PTPRN2: variants seen among roughly 807,000 people sequenced by gnomAD.
PTPRN2 encodes receptor-type tyrosine-protein phosphatase N2.
PTPRN2 carries 74 observed loss-of-function variants against 118.8 expected under a neutral mutation model. That is an observed-to-expected ratio of 0.62 (90% CI 0.52 to 0.76). PTPRN2 has a LOEUF of 0.76. PTPRN2 is among the 30% of genes least tolerant of loss of function. PTPRN2 has a pLI of 0.00. For synonymous variants in PTPRN2, 641 were observed against 608.0 expected (o/e 1.05, Z -0.80); for missense variants, 1,481 against 1,394.4 (o/e 1.06, Z -0.99).
chr7:158,110,585 C>G (rs1465699519), intron 10 of PTPRN2, among the ~76,000 whole-genome samples: 2 of 152,164 alleles, frequency 1.3e-5, no homozygotes, highest in East Asian at 3.9e-4. Context: ...GGTTACAGCA[C>G]CAAAGGTTTG....
chr7:158,343,884 G>T (rs779171450), intron 2 of PTPRN2, among the ~76,000 whole-genome samples: 17 of 151,278 alleles, frequency 1.1e-4, no homozygotes, highest in Non-Finnish European at 2.4e-4. Context: ...TCAGGTAAAG[G>T]CTTCCATGGA....
chr7:158,488,209 G>A (rs1194774212), intron 2 of PTPRN2, among the ~76,000 whole-genome samples: 1 of 152,126 alleles, frequency 6.6e-6, no homozygotes, highest in Non-Finnish European at 1.5e-5. Flanking sequence ...TTTCAATATC[G>A]CTATTTTTCT....
At position 158,331,833 on chromosome 7, in the gene PTPRN2, C is replaced by G. The variant is rs1361346564; in HGVS notation, c.164-14901G>C. ...CTGTCACCCTAAGAGGTGACACCCG[C>G]AGACGACACTAACAACCAGATTCTC... On this transcript the variant is annotated intron_variant, in intron 2 of 22. Coordinates refer to ENST00000389418, the MANE Select transcript of PTPRN2 (RefSeq NM_002847.5). Among the ~76,000 whole-genome samples, 5 of 105,916 alleles carry G rather than the reference C, an allele frequency of 4.7e-5. 1 individual carries two copies. The highest frequency in any genetic ancestry group is 1.7e-4 in the African/African-American group (5 of 29,130). 69.5% of individuals were successfully genotyped at this position (105,916 alleles called of 152,430 possible). A position where few individuals can be genotyped will look rare whatever the true frequency, so the allele number is the denominator to read the frequency against.
At chr7:158,376,259 C>G (rs899232212) in intron 2 of PTPRN2, among the ~76,000 whole-genome samples, 1 of 151,746 alleles carries the variant, frequency 6.6e-6, no homozygotes, top group African/African-American at 2.4e-5. Flanking sequence ...CATGCAGGGT[C>G]AGGGGACTCC....
chr7:157,893,625 C>G lies in PTPRN2; in HGVS notation c.1788+5048G>C, dbSNP rs934649476. On this transcript the variant is annotated intron_variant, in intron 12 of 22. Transcript: ENST00000389418. This position sits in a 1 kb window ranked among gnomAD's most constrained non-coding sequence, Gnocchi z 4.0. ...AGGCTGCGGCAGGAAGATCAAGAGC[C>G]CTGCGTGGCCCACTTTAAGTGTGAG... is the stretch of plus-strand genomic sequence containing the variant. Among the ~76,000 whole-genome samples, 3 of 152,150 alleles carry G rather than the reference C, an allele frequency of 2.0e-5. No individual in the cohort carries two copies. Among genetic ancestry groups the G allele is most frequent in the African/African-American group, 7.2e-5 (3 of 41,416 alleles).
At position 158,126,792 on chromosome 7, in the gene PTPRN2, C is replaced by T. The variant is rs145777258; in HGVS notation, c.1556+6885G>A. Among the ~76,000 whole-genome samples the T allele has an allele frequency of 5.9e-3, 894 of 152,296 alleles. 7 individuals are homozygous for T. The highest frequency in any genetic ancestry group is 0.021 in the African/African-American group (855 of 41,564). ...TGAGCCGAGGAAGGGGCTGGGGGAA[C>T]CTGCAGGGCCAGGGCACTCACTGAG... On this transcript the variant is annotated intron_variant, in intron 9 of 22. Coordinates refer to ENST00000389418, the MANE Select transcript of PTPRN2 (RefSeq NM_002847.5).
At chr7:158,364,632 T>C (rs1207462865) in intron 2 of PTPRN2, among the ~76,000 whole-genome samples, 1 of 152,064 alleles carries the variant, frequency 6.6e-6, no homozygotes, top group Non-Finnish European at 1.5e-5. Context: ...ACGCTGAGAG[T>C]GAGGATCTCC....
intron 3 of PTPRN2, among the ~76,000 whole-genome samples, chr7:158,244,661 G>A (rs1796086662): frequency 6.6e-6 from 1 of 151,518 alleles, no homozygotes; most frequent in Admixed American, 6.6e-5. Flanking sequence ...TTGTGTGTCA[G>A]TTGTGTGAGT....
rs111697671 is a variant in PTPRN2, at chr7:158,414,438, T to C, written c.163+75297A>G. Among the ~76,000 whole-genome samples, 696 of 151,594 alleles carry C rather than the reference T, an allele frequency of 4.6e-3. 4 individuals carry two copies. Among genetic ancestry groups the C allele is most frequent in the African/African-American group, 0.016 (670 of 41,256 alleles). On this transcript the variant is annotated intron_variant, in intron 2 of 22. Coordinates refer to ENST00000389418, the MANE Select transcript of PTPRN2 (RefSeq NM_002847.5). ...AAGAAGGAAAGAAATAACCTTAAAA[T>C]AGAATCCCATCCCATCCTCCTGGAC...
Position 157,882,924 on chromosome 7 carries a change from C to CA in PTPRN2, c.1788+15748dup, listed in dbSNP as rs1241664524. The stretch of plus-strand genomic sequence containing the variant: ...TGTTGGAGATCAGAACATACCACCC[C>CA]AAAATTGACTGTTGGAGAACAGAAC... On this transcript the variant is annotated intron_variant, in intron 12 of 22. Coordinates refer to ENST00000389418, the MANE Select transcript of PTPRN2 (RefSeq NM_002847.5). 2.2e-3 allele frequency among the ~76,000 whole-genome samples: 331 copies of CA among 150,782 alleles called. 7 individuals are homozygous for CA. The highest frequency in any genetic ancestry group is 7.6e-3 in the African/African-American group (312 of 40,998).
Position 157,586,187 on chromosome 7 carries a change from G to T in PTPRN2, c.2497-8047C>A, listed in dbSNP as rs142083733. The stretch of plus-strand genomic sequence containing the variant: ...AAGTTTTTCCTAAGAAATTAAGAAT[G>T]AACACAACTCTCATGTTAATTCCTA... On this transcript the variant is annotated intron_variant, in intron 17 of 22. Transcript: ENST00000389418. 2.7e-3 allele frequency among the ~76,000 whole-genome samples: 404 copies of T among 152,264 alleles called. 3 individuals are homozygous for T. Among genetic ancestry groups the T allele is most frequent in the African/African-American group, 9.2e-3 (384 of 41,556 alleles).
chr7:158,558,540 C>T (rs911122122), intron 1 of PTPRN2, among the ~76,000 whole-genome samples: 10 of 151,988 alleles, frequency 6.6e-5, no homozygotes, highest in African/African-American at 1.9e-4. Context: ...CAGAGCCCAG[C>T]GGAGGCAGGG....
chr7:158,132,409 A>G (rs1397429954), intron 9 of PTPRN2, among the ~76,000 whole-genome samples: 1 of 151,740 alleles, frequency 6.6e-6, no homozygotes, highest in Admixed American at 6.6e-5. Context: ...ACCAATACAC[A>G]TCTACCCGAC....
intron 1 of PTPRN2, among the ~76,000 whole-genome samples, chr7:158,516,022 T>C (rs1280306044): frequency 6.6e-6 from 1 of 152,156 alleles, no homozygotes; most frequent in Non-Finnish European, 1.5e-5. Flanking sequence ...CCTACCATGA[T>C]ATCCACAGAC....
intron 11 of PTPRN2, among the ~76,000 whole-genome samples, chr7:157,900,094 G>A (rs548388191): frequency 1.2e-4 from 18 of 152,300 alleles, no homozygotes; most frequent in African/African-American, 4.3e-4. Flanking sequence ...GCTGCAGAAC[G>A]GTCACCGACG....
intron 1 of PTPRN2, among the ~76,000 whole-genome samples, chr7:158,576,024 T>C (rs910121203): frequency 6.6e-6 from 1 of 152,160 alleles, no homozygotes; most frequent in African/African-American, 2.4e-5. Flanking sequence ...AATGAAAAAC[T>C]CATTTAAAAA....
In PTPRN2 at chr7:157,764,119, G is replaced by C. The variant is rs575620220; in HGVS notation, c.1789-81182C>G. On this transcript the variant is annotated intron_variant, in intron 12 of 22. Transcript: ENST00000389418. The surrounding 1 kb of genome is among the most constrained non-coding windows in gnomAD (Gnocchi z 4.5). ...GTGCTGGCGAGAATGCTGAGGAATC[G>C]TAACTGGCACACTCTGCAGGGAGGA... 5.5e-4 allele frequency among the ~76,000 whole-genome samples: 84 copies of C among 152,230 alleles called. No individual in the cohort carries two copies. The highest frequency in any genetic ancestry group is 1.9e-3 in the African/African-American group (78 of 41,532).
At chr7:157,967,579 T>C (rs1193525940) in intron 11 of PTPRN2, among the ~76,000 whole-genome samples, 5 of 152,124 alleles carry the variant, frequency 3.3e-5, no homozygotes, top group South Asian at 2.1e-4. Context: ...GAGAGGGCTG[T>C]GTGTCCCCGT....
chr7:158,171,286 TATACACACATATATATACACAC>T (rs1823623832), intron 5 of PTPRN2, among the ~76,000 whole-genome samples: 2 of 75,352 alleles, frequency 2.7e-5, no homozygotes, highest in African/African-American at 7.8e-5. Flanking sequence ...CACACATATA[TATACACACATATATATACACAC>T]ATATATATAT....
Sources: allele counts gnomAD v4.1 joint callset (sites outside exome capture counted in the v4.1 genomes callset), GRCh38; gene constraint gnomAD v4.1.1; non-coding constraint Gnocchi (gnomAD v3.1); transcripts MANE v1.5; gene names NCBI Gene and HGNC (gene_info 2026-07-23, HGNC 2026-07-21).